CENPP: variants seen among roughly 807,000 people sequenced by gnomAD.
CENPP encodes the protein centromere protein P.
A neutral mutation model predicts 35.6 loss-of-function variants in CENPP; 24 were observed. The observed-to-expected ratio is 0.67, with a 90% CI of 0.49 to 0.95. CENPP has a LOEUF of 0.95. Among genes scored for constraint, CENPP ranks in the 40% least tolerant of loss-of-function variants. The pLI, the probability that CENPP is intolerant of heterozygous loss-of-function variation, is 0.00. For synonymous variants in CENPP, 120 were observed against 125.5 expected (o/e 0.96, Z 0.29); for missense variants, 332 against 345.3 (o/e 0.96, Z 0.31).
At chr9:92,445,616 G>T (rs943255248) in intron 5 of CENPP, among the ~76,000 whole-genome samples, 2 of 152,158 alleles carry the variant, frequency 1.3e-5, no homozygotes, top group African/African-American at 4.8e-5. Context: ...GGGCGTGGTA[G>T]CTCACGCCTG....
chr9:92,420,620 T>C lies in CENPP; in HGVS notation c.564+40761T>C, dbSNP rs139799474. 1.2e-4 allele frequency among the ~76,000 whole-genome samples: 19 copies of C among 152,326 alleles called. No individual in the cohort carries two copies. The East Asian group carries it at 3.3e-3, about 26-fold the overall frequency. On this transcript the variant is annotated intron_variant, in intron 5 of 7. Transcript: ENST00000375587. The stretch of plus-strand genomic sequence containing the variant: ...GCCTCTAATACCTTATTCCCCATTA[T>C]TGTTTTTGGGTGATGACCTTGCTTC...
intron 5 of CENPP, among the ~76,000 whole-genome samples, 196 bp downstream of exon 5, chr9:92,380,055 T>C (rs1490883295): frequency 5.9e-5 from 9 of 152,238 alleles, no homozygotes; most frequent in African/African-American, 2.2e-4. Context: ...ATTTATGTTG[T>C]GGAATGTCTT....
Position 92,614,447 on chromosome 9 carries a change from A to C in CENPP, c.*1298A>C, listed in dbSNP as rs957814999. 2.6e-5 allele frequency: 4 copies of C among 152,444 alleles called. No individual in the cohort carries two copies. The highest frequency in any genetic ancestry group is 9.6e-5 in the African/African-American group (4 of 41,478). 9.4% of individuals were successfully genotyped at this position (152,444 alleles called of 1,614,324 possible). ...GTGTGTATGAGACGGTGTCATTGGA[A>C]GTGAGAAGAAAACAGTAAAAGTGTC... On this transcript the variant is annotated 3_prime_UTR_variant, in exon 8 of 8. Transcript: ENST00000375587.
At chr9:92,523,946 C>T (rs1303636910) in intron 5 of CENPP, among the ~76,000 whole-genome samples, 1 of 152,188 alleles carries the variant, frequency 6.6e-6, no homozygotes, top group Non-Finnish European at 1.5e-5. Flanking sequence ...CTCCATAAGC[C>T]TTTTCCCCAA....
Position 92,613,259 on chromosome 9 carries a change from G to T in CENPP, c.*110G>T. On this transcript the variant is annotated 3_prime_UTR_variant, in exon 8 of 8. Coordinates refer to ENST00000375587, the MANE Select transcript of CENPP (RefSeq NM_001012267.3). ...CTTAGAAACCACACCCTGAAGACGTGCTGTCTATGCAGTTATGGCACATTA... is the reference window on the plus strand; with the variant it reads ...CTTAGAAACCACACCCTGAAGACGTTCTGTCTATGCAGTTATGGCACATTA... The T allele has an allele frequency of 7.8e-7, 1 of 1,278,710 alleles. No homozygotes were observed. Among genetic ancestry groups the T allele is most frequent in the Admixed American group, 1.8e-5 (1 of 54,334 alleles). 79.2% of individuals were successfully genotyped at this position (1,278,710 alleles called of 1,614,324 possible).
At chr9:92,532,148 A>G (rs557805751) in intron 5 of CENPP, among the ~76,000 whole-genome samples, 58 of 150,142 alleles carry the variant, frequency 3.9e-4, no homozygotes, top group Non-Finnish European at 6.2e-4. Flanking sequence ...GGCACGAACT[A>G]CCACACCCGG....
chr9:92,491,955 A>G (rs1846183482), intron 5 of CENPP, among the ~76,000 whole-genome samples: 1 of 152,150 alleles, frequency 6.6e-6, no homozygotes, highest in Admixed American at 6.5e-5. Context: ...TAGTGAGGCT[A>G]GACTCCTGAC....
rs201221822 is a variant in CENPP at position 92,615,868 on chromosome 9, T to C, written c.*2719T>C. 1 of 1,614,124 alleles carries C rather than the reference T, an allele frequency of 6.2e-7. No individual in the cohort carries two copies. The highest frequency in any genetic ancestry group is 8.5e-7 in the Non-Finnish European group (1 of 1,179,982). On this transcript the variant is annotated 3_prime_UTR_variant, in exon 8 of 8. Coordinates refer to ENST00000375587, the MANE Select transcript of CENPP (RefSeq NM_001012267.3). ...GGAGAACTAATGTGCAATCTTCGCT[T>C]TCCTTGAACCGAGTCGACATCACGG...
chr9:92,344,498 A>C (rs985181881), intron 3 of CENPP, among the ~76,000 whole-genome samples: 2 of 152,028 alleles, frequency 1.3e-5, no homozygotes, highest in South Asian at 4.1e-4. Flanking sequence ...GATGTAATTT[A>C]TTTGGAATCC....
At chr9:92,509,987 T>G (rs1209577485) in intron 5 of CENPP, 3 of 1,609,824 alleles carry the variant, frequency 1.9e-6, no homozygotes, top group East Asian at 4.5e-5. Flanking sequence ...AAGGAATCTG[T>G]ATCAAATTAT....
chr9:92,567,951 G>A (rs936470569), intron 5 of CENPP, among the ~76,000 whole-genome samples: 1 of 151,884 alleles, frequency 6.6e-6, no homozygotes, highest in African/African-American at 2.4e-5. Context: ...ATAGATATAA[G>A]GAATATATAA....
At chr9:92,532,289 T>C (rs973590724) in intron 5 of CENPP, among the ~76,000 whole-genome samples, 6 of 152,106 alleles carry the variant, frequency 3.9e-5, no homozygotes, top group African/African-American at 1.4e-4. Flanking sequence ...TCATTGTCTT[T>C]GGTTTTCAGC....
At chr9:92,329,297 G>A (rs1278767298) in intron 1 of CENPP, among the ~76,000 whole-genome samples, 1 of 149,896 alleles carries the variant, frequency 6.7e-6, no homozygotes, top group African/African-American at 2.5e-5. Context: ...GGAGTCTCCT[G>A]CCTCAGCCTC....
chr9:92,379,126 A>G (rs1398889358), intron 4 of CENPP, among the ~76,000 whole-genome samples: 1 of 152,246 alleles, frequency 6.6e-6, no homozygotes. Flanking sequence ...ATTATGAAGG[A>G]TACAACCCAG....
intron 5 of CENPP, among the ~76,000 whole-genome samples, chr9:92,457,657 T>C (rs1367655387): frequency 6.6e-6 from 1 of 152,202 alleles, no homozygotes; most frequent in Non-Finnish European, 1.5e-5. Flanking sequence ...ATACCTATTA[T>C]AAAAACTCAA....
At chr9:92,519,474 G>A (rs1847929760) in intron 5 of CENPP, among the ~76,000 whole-genome samples, 5 of 152,154 alleles carry the variant, frequency 3.3e-5, no homozygotes, top group Admixed American at 3.3e-4. Flanking sequence ...AAGCATAGAC[G>A]TATAGGCCAA....
Position 92,430,884 on chromosome 9 carries a change from C to T in CENPP, c.564+51025C>T, listed in dbSNP as rs562984294. On this transcript the variant is annotated intron_variant, in intron 5 of 7. Transcript: ENST00000375587. Reference sequence around the variant, plus strand: ...GATCTCGGCTCACTGCACCCTCCGCCTCCTGAGTTCAAGTAATTCTCCTGC... The same window carrying T: ...GATCTCGGCTCACTGCACCCTCCGCTTCCTGAGTTCAAGTAATTCTCCTGC... Among the ~76,000 whole-genome samples, 11 of 152,256 alleles carry T rather than the reference C, an allele frequency of 7.2e-5. No homozygotes were observed. The South Asian group carries it at 8.3e-4, about 11-fold the overall frequency.
chr9:92,605,245 G>A (rs879143541), intron 5 of CENPP, among the ~76,000 whole-genome samples: 7 of 152,138 alleles, frequency 4.6e-5, no homozygotes, highest in Non-Finnish European at 7.4e-5. Context: ...TGCCTTGGCC[G>A]CCCAAAGTGC....
intron 5 of CENPP, chr9:92,474,938 A>T: frequency 6.5e-7 from 1 of 1,545,872 alleles, no homozygotes; most frequent in Non-Finnish European, 8.7e-7. Flanking sequence ...CTAAACAGAC[A>T]TGGGATATTA....
Sources: gnomAD v4.1 joint callset for allele counts (sites outside exome capture counted in the v4.1 genomes callset) on GRCh38, gnomAD v4.1.1 for gene constraint, MANE v1.5 for transcripts, NCBI Gene and HGNC (gene_info 2026-07-23, HGNC 2026-07-21) for gene names.